The following TPST1 variants were observed in gnomAD, a reference collection of about 807,000 sequenced individuals.
TPST1 encodes protein-tyrosine sulfotransferase 1.
A neutral mutation model predicts 34.8 loss-of-function variants in TPST1; 20 were observed. The observed-to-expected ratio is 0.57, with a 90% CI of 0.40 to 0.84. TPST1 has a LOEUF of 0.84. TPST1 is among the 40% of genes least tolerant of loss of function. The probability of loss-of-function intolerance (pLI) is 0.00; values close to 1 mark genes in which losing one functional copy is unlikely to be tolerated. For missense variants in TPST1, 353 were observed against 455.5 expected (o/e 0.78, Z 2.05); for synonymous variants, 152 against 159.4 (o/e 0.95, Z 0.35).
chr7:66,354,679 G>A (rs1175769307), intron 4 of TPST1, among the ~76,000 whole-genome samples: 1 of 151,830 alleles, frequency 6.6e-6, no homozygotes. Context: ...ACACCTAAAT[G>A]TGAAAGGCAA....
At chr7:66,308,134 C>T (rs1200573044) in intron 3 of TPST1, among the ~76,000 whole-genome samples, 8 of 152,180 alleles carry the variant, frequency 5.3e-5, no homozygotes, top group Non-Finnish European at 1.0e-4. Flanking sequence ...GTATGATGAG[C>T]AGCCTAAGCG....
At chr7:66,282,281 A>G (rs1394177112) in intron 2 of TPST1, among the ~76,000 whole-genome samples, 2 of 152,218 alleles carry the variant, frequency 1.3e-5, no homozygotes, top group African/African-American at 2.4e-5. Flanking sequence ...CCTTTTGAAC[A>G]AAAGTTGGCA....
chr7:66,224,011 G>A (rs1317903422), intron 1 of TPST1, among the ~76,000 whole-genome samples: 1 of 152,136 alleles, frequency 6.6e-6, no homozygotes, highest in Non-Finnish European at 1.5e-5. Context: ...GCTCCTTTAA[G>A]TAGTGAGTAT....
chr7:66,200,765 C>T (rs930435117), upstream of TPST1, among the ~76,000 whole-genome samples: 3 of 151,940 alleles, frequency 2.0e-5, no homozygotes, highest in Admixed American at 6.6e-5. Flanking sequence ...TTTGCGCTGT[C>T]GCTCAGGCTG....
Position 66,247,983 on chromosome 7 carries a change from A to G in TPST1, c.845+6713A>G, listed in dbSNP as rs182886748. 8.5e-5 allele frequency among the ~76,000 whole-genome samples: 13 copies of G among 152,350 alleles called. No individual in the cohort carries two copies. The East Asian group carries it at 2.5e-3, about 29-fold the overall frequency. Reference sequence around the variant, plus strand: ...ACCTAGAACATGGTGTTTGTTTCCCATAGGTGAATATATTTTTGAAAAATA... The same window carrying G: ...ACCTAGAACATGGTGTTTGTTTCCCGTAGGTGAATATATTTTTGAAAAATA... On this transcript the variant is annotated intron_variant, in intron 2 of 5. Transcript: ENST00000304842.
At chr7:66,285,926 G>A (rs1277011765) in intron 2 of TPST1, among the ~76,000 whole-genome samples, 1 of 152,012 alleles carries the variant, frequency 6.6e-6, no homozygotes. Flanking sequence ...GATTTTTAAG[G>A]AAGGCAGCAG....
intron 2 of TPST1, among the ~76,000 whole-genome samples, chr7:66,248,043 A>G (rs1790187164): frequency 2.6e-5 from 4 of 152,236 alleles, no homozygotes; most frequent in Admixed American, 1.3e-4. Context: ...AAACCAAATC[A>G]GGAAATAATC....
chr7:66,201,928 T>C (rs914332782), upstream of TPST1, among the ~76,000 whole-genome samples: 1 of 151,172 alleles, frequency 6.6e-6, no homozygotes. Flanking sequence ...CAAGAGTACA[T>C]AGCAAAGAAT....
chr7:66,308,213 T>A (rs1791461600), intron 3 of TPST1, among the ~76,000 whole-genome samples: 1 of 152,212 alleles, frequency 6.6e-6, no homozygotes, highest in Non-Finnish European at 1.5e-5. Flanking sequence ...AAGCAAGGGC[T>A]CTTTCTCAAA....
intron 2 of TPST1, among the ~76,000 whole-genome samples, chr7:66,278,537 C>A (rs1437273427): frequency 6.6e-6 from 1 of 152,096 alleles, no homozygotes; most frequent in Non-Finnish European, 1.5e-5. Flanking sequence ...GTAATCCCAG[C>A]ACTTTGGGAG....
chr7:66,350,459 C>A (rs1354276403), intron 3 of TPST1, among the ~76,000 whole-genome samples: 1 of 152,074 alleles, frequency 6.6e-6, no homozygotes, highest in Non-Finnish European at 1.5e-5. Context: ...GGGCCATGCA[C>A]CTCCACGGAA....
In TPST1 at chr7:66,262,725, G is replaced by A. The variant is rs576460062; in HGVS notation, c.845+21455G>A. ...CCATTTCCTCTTCCACTTTCCTTTG[G>A]GCATGATGGCAGGTGTGATACTGGG... On this transcript the variant is annotated intron_variant, in intron 2 of 5. Coordinates refer to ENST00000304842, the MANE Select transcript of TPST1 (RefSeq NM_003596.4). 6.8e-4 allele frequency among the ~76,000 whole-genome samples: 103 copies of A among 152,170 alleles called. 1 individual carries two copies. The highest frequency in any genetic ancestry group is 2.5e-3 in the African/African-American group (102 of 41,518).
chr7:66,267,870 G>A (rs1790622696), intron 2 of TPST1, among the ~76,000 whole-genome samples: 1 of 152,108 alleles, frequency 6.6e-6, no homozygotes, highest in South Asian at 2.1e-4. Context: ...TACACATATT[G>A]TACATGTAGC....
chr7:66,248,650 C>G (rs553739501), intron 2 of TPST1, among the ~76,000 whole-genome samples: 2 of 151,456 alleles, frequency 1.3e-5, no homozygotes, highest in African/African-American at 4.9e-5. Context: ...ATTGCAGGTG[C>G]GTGCCACCAC....
At chr7:66,228,673 A>G (rs779001634) in intron 1 of TPST1, among the ~76,000 whole-genome samples, 1 of 152,184 alleles carries the variant, frequency 6.6e-6, no homozygotes, top group African/African-American at 2.4e-5. Flanking sequence ...TTTTAAATCA[A>G]TTTTTATTTA....
At chr7:66,328,473 C>T (rs1791916913) in intron 3 of TPST1, among the ~76,000 whole-genome samples, 1 of 152,118 alleles carries the variant, frequency 6.6e-6, no homozygotes, top group African/African-American at 2.4e-5. Flanking sequence ...AATATTTACC[C>T]TGGCCTTTGT....
chr7:66,300,617 C>T (rs910886459), intron 3 of TPST1, among the ~76,000 whole-genome samples: 5 of 152,150 alleles, frequency 3.3e-5, no homozygotes, highest in African/African-American at 1.2e-4. Flanking sequence ...GTATCTATGG[C>T]AGCTATAGTC....
chr7:66,313,216 C>A (rs1470441420), intron 3 of TPST1, among the ~76,000 whole-genome samples: 1 of 152,040 alleles, frequency 6.6e-6, no homozygotes, highest in African/African-American at 2.4e-5. Flanking sequence ...GAGTTTGAGA[C>A]CAGCCTGGCC....
chr7:66,269,042 T>C (rs2115784188), intron 2 of TPST1, among the ~76,000 whole-genome samples: 1 of 152,316 alleles, frequency 6.6e-6, no homozygotes, highest in Non-Finnish European at 1.5e-5. Context: ...TTGTAATACA[T>C]TTGAAAGTCT....
Sources: gnomAD v4.1 joint callset for allele counts (sites outside exome capture counted in the v4.1 genomes callset) on GRCh38, gnomAD v4.1.1 for gene constraint, MANE v1.5 for transcripts, NCBI Gene and HGNC (gene_info 2026-07-23, HGNC 2026-07-21) for gene names.